The following SMAGP variants were observed in gnomAD, a reference collection of about 807,000 sequenced individuals.
The protein encoded by SMAGP is small cell adhesion glycoprotein, also known as small cell transmembrane and glycosylated protein.
In SMAGP, 7 loss-of-function variants were observed where a neutral mutation model predicts 10.1. The ratio of observed to expected loss-of-function variants is 0.70; its 90% confidence interval spans 0.40 to 1.31. The LOEUF is 1.31. Among genes scored for constraint, SMAGP ranks in the 50% most tolerant of loss-of-function variants. The pLI is 0.01. For missense variants in SMAGP, 113 were observed against 116.5 expected, an observed-to-expected ratio of 0.97 and a Z score of 0.14; for synonymous variants, 49 against 47.2, an observed-to-expected ratio of 1.04 and a Z score of -0.16.
intron 2 of SMAGP, among the ~76,000 whole-genome samples, chr12:51,251,836 G>T (rs1314603574): frequency 6.6e-6 from 1 of 152,022 alleles, no homozygotes; most frequent in Non-Finnish European, 1.5e-5. Flanking sequence ...ACCAAAAGAG[G>T]TTCAGAGGAC....
intron 2 of SMAGP, among the ~76,000 whole-genome samples, chr12:51,247,632 A>T (rs1944789873): frequency 1.3e-5 from 2 of 152,234 alleles, no homozygotes; most frequent in Non-Finnish European, 2.9e-5. Flanking sequence ...CTTTCCTATT[A>T]GCATTTTAAT....
At chr12:51,247,663 G>A (rs1565656304) in intron 2 of SMAGP, among the ~76,000 whole-genome samples, 5 of 152,196 alleles carry the variant, frequency 3.3e-5, no homozygotes, top group Admixed American at 1.3e-4. Flanking sequence ...CTGCAGGATA[G>A]AGGTCTCCTG....
At chr12:51,247,113 T>G (rs1305393542) in intron 2 of SMAGP, among the ~76,000 whole-genome samples, 2 of 152,296 alleles carry the variant, frequency 1.3e-5, no homozygotes, top group Non-Finnish European at 1.5e-5. Flanking sequence ...CTCTGTCCTT[T>G]ACTAGCTGTG....
At chr12:51,247,826 G>A (rs1286891887) in intron 2 of SMAGP, among the ~76,000 whole-genome samples, 8 of 152,292 alleles carry the variant, frequency 5.3e-5, no homozygotes, top group African/African-American at 1.9e-4. Flanking sequence ...CCAGCTTCCC[G>A]AGGCTCACCC....
chr12:51,258,954 C>T (rs1466732114), intron 2 of SMAGP, among the ~76,000 whole-genome samples: 2 of 143,286 alleles, frequency 1.4e-5, no homozygotes, highest in Non-Finnish European at 3.0e-5. Flanking sequence ...CAAAGCCAGC[C>T]TGGGCAACAT....
chr12:51,267,199 CA>C (rs1944982074), intron 2 of SMAGP, among the ~76,000 whole-genome samples: 1 of 152,134 alleles, frequency 6.6e-6, no homozygotes, highest in African/African-American at 2.4e-5. Context: ...GCCAAGGTAT[CA>C]CCTTTTTTCC....
intron 2 of SMAGP, among the ~76,000 whole-genome samples, chr12:51,257,305 A>C (rs1306919108): frequency 2.0e-5 from 3 of 152,156 alleles, no homozygotes. Flanking sequence ...AGACAGTGCC[A>C]TTGGAATAGG....
intron 2 of SMAGP, 101 bp downstream of exon 2, chr12:51,269,144 G>C: frequency 7.8e-7 from 1 of 1,289,760 alleles, no homozygotes; most frequent in East Asian, 2.3e-5. Context: ...GCAGAGAGAG[G>C]TGGGAGTCTT....
chr12:51,263,228 C>T (rs1944944363), intron 2 of SMAGP, among the ~76,000 whole-genome samples: 1 of 151,804 alleles, frequency 6.6e-6, no homozygotes, highest in Admixed American at 6.6e-5. Flanking sequence ...ACTAAAAATA[C>T]AAAAATTAGC....
Position 51,251,977 on chromosome 12 carries a change from T to C in SMAGP, c.35-5146A>G, listed in dbSNP as rs188059371. On this transcript the variant is annotated intron_variant, in intron 2 of 3. Coordinates refer to ENST00000603798, the MANE Select transcript of SMAGP (RefSeq NM_001031628.2). ...AGAATGCCTTGCTGCGATGCAGCTA[T>C]TGGTCAGTTTCCACTTATATGAAGC... Among the ~76,000 whole-genome samples, 213 of 152,348 alleles carry C rather than the reference T, an allele frequency of 1.4e-3. 1 individual carries two copies. The highest frequency in any genetic ancestry group is 2.9e-3 in the Admixed American group (45 of 15,304).
At chr12:51,263,478 G>T (rs1052129605) in intron 2 of SMAGP, among the ~76,000 whole-genome samples, 3 of 152,100 alleles carry the variant, frequency 2.0e-5, no homozygotes, top group Non-Finnish European at 4.4e-5. Context: ...TTGGGTTGTG[G>T]TGAGGAATAA....
chr12:51,249,071 C>A (rs2137296550), intron 2 of SMAGP, among the ~76,000 whole-genome samples: 1 of 152,058 alleles, frequency 6.6e-6, no homozygotes, highest in South Asian at 2.1e-4. Context: ...TAGAATGAGA[C>A]CCCATCCAAA....
chr12:51,246,376 C>A, intron 3 of SMAGP: 1 of 495,618 alleles, frequency 2.0e-6, no homozygotes, highest in Non-Finnish European at 3.5e-6. Flanking sequence ...CAAACCAGTT[C>A]CTGATTCTTA....
chr12:51,256,049 G>C (rs1944882055), intron 2 of SMAGP, among the ~76,000 whole-genome samples: 1 of 152,162 alleles, frequency 6.6e-6, no homozygotes, highest in Admixed American at 6.6e-5. Context: ...GGCATTACAG[G>C]TGTGAGCTAC....
intron 2 of SMAGP, among the ~76,000 whole-genome samples, chr12:51,266,923 C>T (rs568287223): frequency 6.6e-6 from 1 of 152,300 alleles, no homozygotes; most frequent in African/African-American, 2.4e-5. Context: ...TGAGACCAGC[C>T]TGGCCAACAT....
Position 51,246,393 on chromosome 12 carries a change from C to A in SMAGP, c.116-274G>T, listed in dbSNP as rs569171642. 1.0e-5 allele frequency: 5 copies of A among 476,686 alleles called. No individual in the cohort carries two copies. In the Admixed American group the frequency reaches 1.4e-4, roughly 14 times the overall value. 29.5% of individuals were successfully genotyped at this position (476,686 alleles called of 1,614,324 possible). ...AACCAGTTCCTGATTCTTAAAGAAA[C>A]GGGAAGGAGGGAACAGGAAATGGCT... On this transcript the variant is annotated intron_variant, in intron 3 of 3. Transcript: ENST00000603798.
At chr12:51,246,604 C>CTGTGTGTGTG (rs59561227) in intron 3 of SMAGP, 147 bp downstream of exon 3, 8,874 of 337,902 alleles carry the variant, frequency 0.026, 546 homozygotes, top group African/African-American at 0.15. Context: ...TCTTTTATGG[C>CTGTGTGTGTG]TGTGTGTGTG....
chr12:51,261,142 C>A (rs541274748), intron 2 of SMAGP, among the ~76,000 whole-genome samples: 40 of 133,202 alleles, frequency 3.0e-4, no homozygotes, highest in Non-Finnish European at 5.8e-4. Context: ...GTCACCTGGG[C>A]TGGAGTGCAG....
In SMAGP at chr12:51,245,677, C is replaced by T; in HGVS notation, c.*264G>A. 2.3e-6 allele frequency: 1 copy of T among 425,870 alleles called. No individual in the cohort carries two copies. The allele number at this position is 425,870 out of a possible 1,614,324, so 26.4% of individuals were successfully genotyped here. A position where few individuals can be genotyped will look rare whatever the true frequency, so the allele number is the denominator to read the frequency against. On this transcript the variant is annotated 3_prime_UTR_variant, in exon 4 of 4. Coordinates refer to ENST00000603798, the MANE Select transcript of SMAGP (RefSeq NM_001031628.2). ...TGACTGGGCACATACTCAGATGTCCCCTGGCATAGCCACATCTTGTTGGCC... is the reference window on the plus strand; with the variant it reads ...TGACTGGGCACATACTCAGATGTCCTCTGGCATAGCCACATCTTGTTGGCC...
Sources: gnomAD v4.1 joint callset for allele counts (sites outside exome capture counted in the v4.1 genomes callset) on GRCh38, gnomAD v4.1.1 for gene constraint, MANE v1.5 for transcripts, NCBI Gene and HGNC (gene_info 2026-07-23, HGNC 2026-07-21) for gene names.